The following SLC14A2 variants were observed in gnomAD, a reference collection of about 807,000 sequenced individuals.
SLC14A2 encodes solute carrier family 14 member 2.
Under a neutral mutation model 104.6 loss-of-function variants are expected in SLC14A2, and 91 were observed. That is an observed-to-expected ratio of 0.87 (90% confidence interval 0.73 to 1.04). The LOEUF is 1.04. Ranked by LOEUF, SLC14A2 falls within the 50% of genes least tolerant of loss-of-function variation. The pLI, the probability that SLC14A2 is intolerant of heterozygous loss-of-function variation, is 0.00. For synonymous variants in SLC14A2, 476 were observed against 466.4 expected, an observed-to-expected ratio of 1.02 and a Z score of -0.27; for missense variants, 1,189 against 1,156.0, an observed-to-expected ratio of 1.03 and a Z score of -0.41.
At chr18:45,252,526 C>T (rs2084433784) in intron 1 of SLC14A2, among the ~76,000 whole-genome samples, 1 of 152,146 alleles carries the variant, frequency 6.6e-6, no homozygotes, top group Non-Finnish European at 1.5e-5. Context: ...AGTCATTTGT[C>T]CTAACAAGCA....
Position 45,241,631 on chromosome 18 carries a change from T to C in SLC14A2, c.-125+28440T>C, listed in dbSNP as rs200494434. ...TGACTTATTTGATTTTCTTTTCTTT[T>C]CTTTTCTCTTTTTTTTTTTTTTTTT... On this transcript the variant is annotated intron_variant, in intron 1 of 20. Coordinates refer to the SLC14A2 transcript ENST00000586448. Among the ~76,000 whole-genome samples the C allele has an allele frequency of 1.4e-4, 20 of 147,474 alleles. No homozygotes were observed. In the East Asian group the frequency reaches 3.9e-3, roughly 29 times the overall value.
chr18:45,320,850 C>G (rs981229497), intron 1 of SLC14A2, among the ~76,000 whole-genome samples: 3 of 152,210 alleles, frequency 2.0e-5, no homozygotes, highest in Non-Finnish European at 4.4e-5. Flanking sequence ...ACTCCTTTTC[C>G]AGAAGGAAAA....
intron 1 of SLC14A2, among the ~76,000 whole-genome samples, chr18:45,293,279 C>A (rs1207794748): frequency 6.6e-6 from 1 of 152,080 alleles, no homozygotes; most frequent in African/African-American, 2.4e-5. Context: ...TTCATTCATT[C>A]ATTCATGTAT....
At chr18:45,570,201 T>C (rs1270899767) in intron 2 of SLC14A2, among the ~76,000 whole-genome samples, 2 of 152,076 alleles carry the variant, frequency 1.3e-5, no homozygotes, top group Admixed American at 6.5e-5. Flanking sequence ...TTTAGCTCCA[T>C]CCCTAATTTT....
chr18:45,379,987 G>A (rs561232111), intron 1 of SLC14A2, among the ~76,000 whole-genome samples: 1 of 152,284 alleles, frequency 6.6e-6, no homozygotes, highest in East Asian at 1.9e-4. Flanking sequence ...GTAATGTAAG[G>A]CTCCACTGGA....
At chr18:45,616,326 A>G (rs1419592787) in intron 1 of SLC14A2, among the ~76,000 whole-genome samples, 1 of 152,148 alleles carries the variant, frequency 6.6e-6, no homozygotes, top group Non-Finnish European at 1.5e-5. Context: ...GCATTTGACT[A>G]TTTTATAAAC....
chr18:45,260,883 G>T (rs900187842), intron 1 of SLC14A2, among the ~76,000 whole-genome samples: 1 of 152,036 alleles, frequency 6.6e-6, no homozygotes, highest in East Asian at 1.9e-4. Context: ...ACTATGCATT[G>T]GGTATGATGA....
At chr18:45,389,943 C>T (rs2085942299) in intron 1 of SLC14A2, among the ~76,000 whole-genome samples, 1 of 152,240 alleles carries the variant, frequency 6.6e-6, no homozygotes, top group Non-Finnish European at 1.5e-5. Context: ...ATCTCTGTAC[C>T]TTCCTCCTTC....
intron 1 of SLC14A2, among the ~76,000 whole-genome samples, chr18:45,617,581 G>A (rs1429873877): frequency 6.6e-6 from 1 of 152,108 alleles, no homozygotes; most frequent in Non-Finnish European, 1.5e-5. Context: ...CCTGAGTAAG[G>A]CACCTCTCAG....
intron 1 of SLC14A2, among the ~76,000 whole-genome samples, chr18:45,429,937 C>T (rs1261804764): frequency 6.6e-6 from 1 of 152,110 alleles, no homozygotes; most frequent in African/African-American, 2.4e-5. Context: ...ATTCCTTGGC[C>T]CAGTGATGTT....
intron 1 of SLC14A2, among the ~76,000 whole-genome samples, chr18:45,394,084 A>G (rs1337382060): frequency 2.0e-5 from 3 of 152,260 alleles, no homozygotes; most frequent in Non-Finnish European, 4.4e-5. Context: ...TAAAGAAACC[A>G]GAAATATTAT....
chr18:45,405,949 A>AT (rs1241755609), intron 1 of SLC14A2, among the ~76,000 whole-genome samples: 3 of 151,594 alleles, frequency 2.0e-5, no homozygotes, highest in African/African-American at 7.3e-5. Flanking sequence ...GCGAGTTGTA[A>AT]TTTTTTTTAC....
At chr18:45,294,332 A>G (rs1187611909) in intron 1 of SLC14A2, among the ~76,000 whole-genome samples, 8 of 152,182 alleles carry the variant, frequency 5.3e-5, no homozygotes, top group Admixed American at 5.2e-4. Flanking sequence ...TTAACTTCTA[A>G]ATACAGTTTT....
upstream of SLC14A2, chr18:45,615,317 T>C (rs2144466998): frequency 6.6e-6 from 1 of 152,328 alleles, no homozygotes; most frequent in South Asian, 2.1e-4. Flanking sequence ...CTGAATATCA[T>C]CTCAAATTGT....
At chr18:45,418,131 A>G (rs2086298278) in intron 1 of SLC14A2, among the ~76,000 whole-genome samples, 2 of 152,194 alleles carry the variant, frequency 1.3e-5, no homozygotes, top group South Asian at 4.1e-4. Flanking sequence ...GTTTTAGAAA[A>G]GCAACAATAT....
At chr18:45,586,741 T>C (rs945990725) in intron 2 of SLC14A2, among the ~76,000 whole-genome samples, 1 of 152,026 alleles carries the variant, frequency 6.6e-6, no homozygotes, top group African/African-American at 2.4e-5. Flanking sequence ...TACAATCAGG[T>C]GTGTCAGTGG....
intron 2 of SLC14A2, among the ~76,000 whole-genome samples, chr18:45,554,287 G>A (rs2044098128): frequency 6.6e-6 from 1 of 152,206 alleles, no homozygotes; most frequent in African/African-American, 2.4e-5. Flanking sequence ...AACTGGAAAG[G>A]GAGTTGGGGG....
intron 1 of SLC14A2, among the ~76,000 whole-genome samples, chr18:45,392,975 T>C (rs2085988186): frequency 6.6e-6 from 1 of 152,236 alleles, no homozygotes; most frequent in African/African-American, 2.4e-5. Flanking sequence ...GTCAGTTTTA[T>C]CTGTTAATAT....
intron 2 of SLC14A2, among the ~76,000 whole-genome samples, chr18:45,488,200 G>A (rs959756244): frequency 4.6e-5 from 7 of 152,164 alleles, no homozygotes; most frequent in African/African-American, 1.7e-4. Context: ...GAGAGCAAGA[G>A]CAGGCAGGGA....
Sources: allele counts gnomAD v4.1 joint callset (sites outside exome capture counted in the v4.1 genomes callset), GRCh38; gene constraint gnomAD v4.1.1; transcripts MANE v1.5; gene names NCBI Gene and HGNC (gene_info 2026-07-23, HGNC 2026-07-21).